Variants in SLC35F2 observed in about 807,000 individuals in gnomAD.
SLC35F2 encodes the protein solute carrier family 35 member F2, also known as queuine/queuosine transporter SLC35F2.
Under a neutral mutation model 38.1 loss-of-function variants are expected in SLC35F2, and 25 were observed. That is an observed-to-expected ratio of 0.66 (90% confidence interval 0.48 to 0.92). The LOEUF is 0.92. SLC35F2 is among the 40% of genes least tolerant of loss of function. The pLI, the probability that SLC35F2 is intolerant of heterozygous loss-of-function variation, is 0.00. For missense variants in SLC35F2, 409 were observed against 452.9 expected, an observed-to-expected ratio of 0.90 and a Z score of 0.88; for synonymous variants, 173 against 181.7, an observed-to-expected ratio of 0.95 and a Z score of 0.38.
chr11:107,797,191 C>T (rs4753818), intron 7 of SLC35F2, among the ~76,000 whole-genome samples: 22,847 of 151,986 alleles, frequency 0.15, 2,770 homozygotes, highest in East Asian at 0.43. Flanking sequence ...AAATTAAGAA[C>T]GGGGCATTCT....
intron 3 of SLC35F2, among the ~76,000 whole-genome samples, chr11:107,807,240 GC>G (rs1164447463): frequency 7.7e-6 from 1 of 130,648 alleles, no homozygotes; most frequent in Non-Finnish European, 1.6e-5. Context: ...TTCGATATCA[GC>G]CTGGGCAACA....
intron 1 of SLC35F2, among the ~76,000 whole-genome samples, chr11:107,822,488 C>T (rs1859688442): frequency 6.6e-6 from 1 of 152,112 alleles, no homozygotes; most frequent in Admixed American, 6.6e-5. Context: ...TAAGACTCAC[C>T]TATTTTCTAG....
chr11:107,792,161 C>CGAAAAAAAAA lies in SLC35F2; in HGVS notation c.*453_*454insTTTTTTTTTC, dbSNP rs767622537. On this transcript the variant is annotated 3_prime_UTR_variant, in exon 8 of 8. Transcript: ENST00000525815. ...GGCCTGTGGACAATAACTGCCTCAG[C>CGAAAAAAAAA]AAAAAAAAAAAAAAAAAAAAACCTT... 0.04 allele frequency: 3,128 copies of CGAAAAAAAAA among 78,008 alleles called. 79 individuals are homozygous for CGAAAAAAAAA. Among genetic ancestry groups the CGAAAAAAAAA allele is most frequent in the East Asian group, 0.13 (316 of 2,422 alleles). 4.8% of individuals were successfully genotyped at this position (78,008 alleles called of 1,614,324 possible).
chr11:107,854,715 G>C (rs971755852), intron 1 of SLC35F2, among the ~76,000 whole-genome samples: 1 of 152,134 alleles, frequency 6.6e-6, no homozygotes, highest in African/African-American at 2.4e-5. Context: ...ATTAAGAGCT[G>C]GGGTCACTTA....
Position 107,858,781 on chromosome 11 carries a change from C to T in SLC35F2, c.-14G>A, listed in dbSNP as rs1860342431. On this transcript the variant is annotated 5_prime_UTR_variant, in exon 1 of 8. Transcript: ENST00000525815. ...GTCTGCCTCCATCGGCGCCCTTGCG[C>T]GTCTCCGGCGCCCAAAACCCCCGAA... is the stretch of plus-strand genomic sequence containing the variant. 4 of 1,252,506 alleles carry T rather than the reference C, an allele frequency of 3.2e-6. No homozygotes were observed. The highest frequency in any genetic ancestry group is 4.2e-5 in the Admixed American group (1 of 24,026). The allele number at this position is 1,252,506 out of a possible 1,614,324, so 77.6% of individuals were successfully genotyped here.
At chr11:107,805,078 T>TA (rs561801459) in intron 5 of SLC35F2, 1 of 985,366 alleles carries the variant, frequency 1.0e-6, no homozygotes, top group Non-Finnish European at 1.2e-6. Context: ...TGGAAATAAC[T>TA]AAAAAAACTC....
chr11:107,857,782 CATCTT>C (rs1860317018), intron 1 of SLC35F2, among the ~76,000 whole-genome samples: 1 of 152,116 alleles, frequency 6.6e-6, no homozygotes, highest in Admixed American at 6.6e-5. Flanking sequence ...CCTTAAAGAT[CATCTT>C]GTGGCCTTGG....
chr11:107,833,896 A>C (rs527627455), intron 1 of SLC35F2, among the ~76,000 whole-genome samples: 1 of 152,240 alleles, frequency 6.6e-6, no homozygotes, highest in African/African-American at 2.4e-5. Context: ...AAATGGTTAC[A>C]GAGAGATAAA....
intron 1 of SLC35F2, among the ~76,000 whole-genome samples, chr11:107,827,281 T>C (rs567123363): frequency 8.5e-5 from 13 of 152,268 alleles, no homozygotes; most frequent in African/African-American, 2.9e-4. Context: ...TGAACACCCC[T>C]AGTGCCTAGA....
At position 107,858,686 on chromosome 11, in the gene SLC35F2, G is replaced by T. The variant is rs779128757; in HGVS notation, c.82C>A (p.Arg28Ser). 7.7e-7 allele frequency: 1 copy of T among 1,301,886 alleles called. No homozygotes were observed. The highest frequency in any genetic ancestry group is 2.8e-5 in the East Asian group (1 of 35,176). The allele number at this position is 1,301,886 out of a possible 1,614,324, so 80.6% of individuals were successfully genotyped here. A position where few individuals can be genotyped will look rare whatever the true frequency, so the allele number is the denominator to read the frequency against. ...GAAAEFSSLL[R>S]RIKGKLFTWN... is the part of the protein sequence containing the mutation. ...GTGAAGAGTTTGCCTTTTATCCTGC[G>T]CAGCAGGCTGGAGAACTCGGCCGCC... Residue 28 changes from arginine (R) to serine (S), a missense_variant, in exon 1 of 8, where the codon CGC (arginine) becomes AGC (serine). Coordinates refer to ENST00000525815, the MANE Select transcript of SLC35F2 (RefSeq NM_017515.5).
In SLC35F2 at chr11:107,857,584, CTATT is replaced by C. The variant is rs1421205305; in HGVS notation, c.110+1070_110+1073del. Among the ~76,000 whole-genome samples, 5 of 152,130 alleles carry C rather than the reference CTATT, an allele frequency of 3.3e-5. No homozygotes were observed. In the East Asian group the frequency reaches 9.6e-4, roughly 29 times the overall value. ...TTTAAACACATGCATCAATTTCAAACTATTTATATGATAAAAAATGCTTACACCT... is the reference window on the plus strand; with the variant it reads ...TTTAAACACATGCATCAATTTCAAACTATATGATAAAAAATGCTTACACCT... On this transcript the variant is annotated intron_variant, in intron 1 of 7. Coordinates refer to ENST00000525815, the MANE Select transcript of SLC35F2 (RefSeq NM_017515.5).
intron 3 of SLC35F2, chr11:107,809,498 G>T: frequency 6.3e-6 from 1 of 158,882 alleles, no homozygotes; most frequent in Non-Finnish European, 1.3e-5. Flanking sequence ...CAAGTGTGGT[G>T]GCGCGTGCCT....
intron 1 of SLC35F2, among the ~76,000 whole-genome samples, chr11:107,852,441 C>T (rs553881186): frequency 6.6e-6 from 1 of 151,944 alleles, no homozygotes; most frequent in South Asian, 2.1e-4. Context: ...GTCCCAGCTA[C>T]TCGGGAGGCT....
At chr11:107,810,975 A>AAGTT in intron 3 of SLC35F2, 1 of 983,144 alleles carries the variant, frequency 1.0e-6, no homozygotes, top group Non-Finnish European at 1.2e-6. Context: ...AATGAAAAAA[A>AAGTT]AGTTATAAAC....
chr11:107,853,793 G>C (rs1277745786), intron 1 of SLC35F2, among the ~76,000 whole-genome samples: 2 of 150,154 alleles, frequency 1.3e-5, no homozygotes, highest in Non-Finnish European at 3.0e-5. Flanking sequence ...AAAGGAACAT[G>C]ATAAAACTCA....
Position 107,853,571 on chromosome 11 carries a change from T to A in SLC35F2, c.110+5087A>T, listed in dbSNP as rs1370273787. The stretch of plus-strand genomic sequence containing the variant: ...GCCTCTACTAAAAATACAAAAAAAA[T>A]TAGCCGGGCGTGGTGGTGGGCGCCT... On this transcript the variant is annotated intron_variant, in intron 1 of 7. Transcript: ENST00000525815. 2.0e-5 allele frequency among the ~76,000 whole-genome samples: 3 copies of A among 151,042 alleles called. No individual in the cohort carries two copies. The East Asian group carries it at 5.9e-4, about 29-fold the overall frequency.
Position 107,811,691 on chromosome 11 carries a change from C to T in SLC35F2, c.390G>A (p.Gln130=). 6.2e-7 allele frequency: 1 copy of T among 1,613,928 alleles called. No individual in the cohort carries two copies. Among genetic ancestry groups the T allele is most frequent in the Non-Finnish European group, 8.5e-7 (1 of 1,179,892 alleles). The change falls in exon 3 of 8, where the codon CAG becomes CAA. Residue 130 remains glutamine, a synonymous_variant. Transcript: ENST00000525815. ...CCTGGACACTGGTTAGAGTTGTGTA[C>T]TGGTAGGCTCTGACGATCACATAAT... ...EANYVIVRAY[Q]YTTLTSVQLL... is the part of the protein sequence containing the mutation.
intron 3 of SLC35F2, among the ~76,000 whole-genome samples, chr11:107,809,316 T>A (rs1325931641): frequency 8.6e-6 from 1 of 115,888 alleles, no homozygotes; most frequent in African/African-American, 3.7e-5. Flanking sequence ...AAACCTCGTA[T>A]CTACTCAAAA....
At chr11:107,802,961 C>T in intron 7 of SLC35F2, 40 bp downstream of exon 7, 1 of 1,533,864 alleles carries the variant, frequency 6.5e-7, no homozygotes, top group Non-Finnish European at 8.7e-7. Flanking sequence ...TTTTTGGATC[C>T]AAGCAAGTAT....
Sources: allele counts gnomAD v4.1 joint callset (sites outside exome capture counted in the v4.1 genomes callset), GRCh38; gene constraint gnomAD v4.1.1; transcripts MANE v1.5; gene names NCBI Gene and HGNC (gene_info 2026-07-23, HGNC 2026-07-21).